Variants in COL28A1 observed in about 807,000 individuals in gnomAD.
COL28A1 encodes the protein collagen alpha-1(XXVIII) chain.
In COL28A1, 161 loss-of-function variants were observed where a neutral mutation model predicts 150.2. That is an observed-to-expected ratio of 1.07 (90% CI 0.94 to 1.22). The LOEUF (loss-of-function observed/expected upper bound fraction) is 1.22, where lower values mean the gene tolerates loss of function less well. Among genes scored for constraint, COL28A1 ranks in the 50% most tolerant of loss-of-function variants. The pLI is 0.00. For missense variants in COL28A1, 1,617 were observed against 1,388.3 expected, an observed-to-expected ratio of 1.16 and a Z score of -2.62; for synonymous variants, 552 against 469.7, an observed-to-expected ratio of 1.18 and a Z score of -2.26.
At chr7:7,522,027 T>C (rs1220400893) in intron 4 of COL28A1, 66 bp from the exon 5 acceptor site, 1 of 822,750 alleles carries the variant, frequency 1.2e-6, no homozygotes, top group Admixed American at 1.7e-5. Context: ...GCATTTCAAA[T>C]TGTATTTCAA....
intron 27 of COL28A1, among the ~76,000 whole-genome samples, chr7:7,405,101 T>C (rs1281329217): frequency 6.6e-6 from 1 of 152,186 alleles, no homozygotes; most frequent in Non-Finnish European, 1.5e-5. Context: ...TTTGTACAAC[T>C]AGCAAGGATT....
chr7:7,456,384 T>C (rs1489400850), intron 15 of COL28A1, among the ~76,000 whole-genome samples: 2 of 152,184 alleles, frequency 1.3e-5, no homozygotes, highest in African/African-American at 4.8e-5. Context: ...CAAAATTTCC[T>C]GAATAGTTGT....
At chr7:7,416,451 G>A (rs1191397175) in intron 27 of COL28A1, among the ~76,000 whole-genome samples, 2 of 152,204 alleles carry the variant, frequency 1.3e-5, no homozygotes, top group Non-Finnish European at 2.9e-5. Context: ...TAACCTAACA[G>A]CATGTGTGAA....
At chr7:7,433,026 G>A (rs1355878317) in intron 23 of COL28A1, among the ~76,000 whole-genome samples, 2 of 151,956 alleles carry the variant, frequency 1.3e-5, no homozygotes, top group South Asian at 2.1e-4. Flanking sequence ...ATTATACGGG[G>A]AATAAATAAA....
At chr7:7,393,850 C>T (rs988067759) in intron 27 of COL28A1, among the ~76,000 whole-genome samples, 4 of 152,294 alleles carry the variant, frequency 2.6e-5, no homozygotes, top group South Asian at 2.1e-4. Flanking sequence ...GCCATTGGAT[C>T]TTAGCTTGCT....
chr7:7,368,065 C>T (rs770590133), intron 33 of COL28A1, among the ~76,000 whole-genome samples: 1 of 151,984 alleles, frequency 6.6e-6, no homozygotes, highest in Non-Finnish European at 1.5e-5. Flanking sequence ...TGGACTATCA[C>T]GCCTCATATC....
At chr7:7,338,989 A>T in the COL28A1 span, among the ~76,000 whole-genome samples, 3 of 143,528 alleles carry the variant, frequency 2.1e-5, no homozygotes. Context: ...CCAAGCCAAT[A>T]AAAAAATCAA....
intron 15 of COL28A1, among the ~76,000 whole-genome samples, chr7:7,472,979 A>T (rs1281713386): frequency 6.6e-6 from 1 of 152,232 alleles, no homozygotes; most frequent in Non-Finnish European, 1.5e-5. Flanking sequence ...AGCCATATGT[A>T]GAAGAATAAA....
intron 14 of COL28A1, among the ~76,000 whole-genome samples, chr7:7,475,108 C>CT (rs139796835): frequency 6.7e-5 from 10 of 149,676 alleles, no homozygotes; most frequent in South Asian, 2.1e-4. Context: ...AGATTATTAC[C>CT]TTTTTTTTTG....
intron 25 of COL28A1, chr7:7,431,794 C>T (rs749059900): frequency 1.1e-5 from 3 of 283,704 alleles, no homozygotes; most frequent in Admixed American, 4.3e-5. Context: ...TTACAGCCCA[C>T]GTAAGAGATG....
At chr7:7,521,221 TA>T (rs1205695291) in intron 5 of COL28A1, among the ~76,000 whole-genome samples, 1 of 152,144 alleles carries the variant, frequency 6.6e-6, no homozygotes, top group Non-Finnish European at 1.5e-5. Context: ...AGATAAATGT[TA>T]AAAAAATGCT....
In COL28A1 at chr7:7,432,717, A is replaced by G; in HGVS notation, c.1861-17T>C. 1.2e-6 allele frequency: 2 copies of G among 1,602,036 alleles called. No homozygotes were observed. Among genetic ancestry groups the G allele is most frequent in the East Asian group, 2.2e-5 (1 of 44,840 alleles). ...TTGGACACCCTGGGTAAATTCCAAC[A>G]TCAGTGATATCATGAGACTCAACTA... On this transcript the variant is annotated splice_polypyrimidine_tract_variant and intron_variant, in intron 23 of 34. Transcript: ENST00000399429.
chr7:7,519,120 T>A (rs1771494898), intron 6 of COL28A1, among the ~76,000 whole-genome samples: 1 of 152,202 alleles, frequency 6.6e-6, no homozygotes, highest in Non-Finnish European at 1.5e-5. Context: ...AGAGGTTTAA[T>A]GGACTCACAG....
chr7:7,431,200 C>T (rs1405719595), intron 25 of COL28A1: 3 of 157,850 alleles, frequency 1.9e-5, no homozygotes, highest in Non-Finnish European at 4.2e-5. Flanking sequence ...AGATATATTT[C>T]AAAGGAAAAA....
chr7:7,507,404 T>C (rs545637332), intron 9 of COL28A1, among the ~76,000 whole-genome samples: 2 of 152,352 alleles, frequency 1.3e-5, no homozygotes, highest in African/African-American at 4.8e-5. Flanking sequence ...GCCTACATAT[T>C]GACATTTTGG....
chr7:7,413,072 GGT>G (rs1357567989), intron 27 of COL28A1, among the ~76,000 whole-genome samples: 1 of 152,056 alleles, frequency 6.6e-6, no homozygotes, highest in Non-Finnish European at 1.5e-5. Context: ...ATGTCTCAGA[GGT>G]TGATCTGTTA....
chr7:7,396,033 T>G (rs548192755), intron 27 of COL28A1, among the ~76,000 whole-genome samples: 1 of 152,362 alleles, frequency 6.6e-6, no homozygotes, highest in South Asian at 2.1e-4. Flanking sequence ...ACGAACTACC[T>G]TTGTTTTGAA....
intron 33 of COL28A1, among the ~76,000 whole-genome samples, chr7:7,362,658 A>C (rs1195559612): frequency 6.6e-6 from 1 of 152,188 alleles, no homozygotes; most frequent in African/African-American, 2.4e-5. Flanking sequence ...AAGGGCACAC[A>C]ATTCAAATAC....
intron 27 of COL28A1, among the ~76,000 whole-genome samples, chr7:7,398,071 G>A (rs531141895): frequency 6.6e-6 from 1 of 152,268 alleles, no homozygotes; most frequent in Non-Finnish European, 1.5e-5. Flanking sequence ...TGAACACAGG[G>A]TAGAATTCTG....
Sources: allele counts gnomAD v4.1 joint callset (sites outside exome capture counted in the v4.1 genomes callset), GRCh38; gene constraint gnomAD v4.1.1; transcripts MANE v1.5; gene names NCBI Gene and HGNC (gene_info 2026-07-23, HGNC 2026-07-21).